The following CDH12 variants were observed in gnomAD, a reference collection of about 807,000 sequenced individuals.
CDH12 encodes cadherin-12.
Under a neutral mutation model 74.1 loss-of-function variants are expected in CDH12, and 41 were observed. That is an observed-to-expected ratio of 0.55 (90% confidence interval 0.43 to 0.72). The LOEUF is 0.72. Among genes scored for constraint, CDH12 ranks in the 30% least tolerant of loss-of-function variants. The pLI is 0.00. For missense variants in CDH12, 945 were observed against 977.2 expected (o/e 0.97, Z 0.44); for synonymous variants, 399 against 355.0 (o/e 1.12, Z -1.39).
At chr5:22,669,529 A>G (rs1255272429) in intron 1 of CDH12, among the ~76,000 whole-genome samples, 1 of 152,194 alleles carries the variant, frequency 6.6e-6, no homozygotes, top group African/African-American at 2.4e-5. Flanking sequence ...TCTTGCAACT[A>G]AAGGTGGCCA....
intron 6 of CDH12, among the ~76,000 whole-genome samples, chr5:21,957,689 AC>A (rs1192902181): frequency 1.1e-4 from 16 of 152,004 alleles, no homozygotes; most frequent in African/African-American, 3.4e-4. Context: ...GTTTTTTTTC[AC>A]ATGCTTGTTG....
intron 2 of CDH12, among the ~76,000 whole-genome samples, chr5:22,451,156 C>A (rs1227167358): frequency 6.6e-6 from 1 of 151,820 alleles, no homozygotes; most frequent in Non-Finnish European, 1.5e-5. Context: ...AGAACAGGGA[C>A]ATGATCATGT....
intron 1 of CDH12, among the ~76,000 whole-genome samples, chr5:22,581,764 GTTTTCCTTTATATGTTACCTGATGC>G (rs1740114005): frequency 6.6e-6 from 1 of 152,064 alleles, no homozygotes; most frequent in South Asian, 2.1e-4. Context: ...AATCTGATAG[GTTTTCCTTTATATGTTACCTGATGC>G]TTTTGCCTCA....
At chr5:21,925,998 A>T (rs533797834) in intron 6 of CDH12, among the ~76,000 whole-genome samples, 1 of 152,260 alleles carries the variant, frequency 6.6e-6, no homozygotes, top group East Asian at 1.9e-4. Flanking sequence ...AGAAGTTTTA[A>T]ATTATATTTT....
chr5:21,784,914 T>A (rs1267506456), intron 10 of CDH12, among the ~76,000 whole-genome samples: 19 of 152,186 alleles, frequency 1.2e-4, no homozygotes, highest in Admixed American at 6.5e-5. Context: ...GTATACCTTA[T>A]TTCATGGCTC....
At chr5:22,021,904 C>T (rs1213371824) in intron 5 of CDH12, among the ~76,000 whole-genome samples, 1 of 152,198 alleles carries the variant, frequency 6.6e-6, no homozygotes, top group Non-Finnish European at 1.5e-5. Context: ...GTGGCACAAT[C>T]ATAGCTCACT....
chr5:22,143,363 T>C (rs1158155484), intron 4 of CDH12: 2 of 145,806 alleles, frequency 1.4e-5, no homozygotes, highest in African/African-American at 5.2e-5. Context: ...AAATGTATAA[T>C]ATTCCTTTTT....
chr5:22,382,803 C>G (rs1357499812), intron 3 of CDH12, among the ~76,000 whole-genome samples: 2 of 148,284 alleles, frequency 1.3e-5, no homozygotes, highest in South Asian at 4.3e-4. Flanking sequence ...CGACCTTGGA[C>G]TAAATTTCAT....
intron 2 of CDH12, among the ~76,000 whole-genome samples, chr5:22,425,262 T>C (rs920796839): frequency 6.7e-6 from 1 of 150,348 alleles, no homozygotes; most frequent in South Asian, 2.1e-4. Flanking sequence ...TAACAATAGC[T>C]AGGCTATTTC....
chr5:22,649,305 T>A (rs1007131141), intron 1 of CDH12, among the ~76,000 whole-genome samples: 4 of 152,014 alleles, frequency 2.6e-5, no homozygotes, highest in Admixed American at 2.6e-4. Flanking sequence ...TTGTGAACTG[T>A]GTGAGCTAAT....
At chr5:22,827,840 A>G (rs1172131049) in intron 1 of CDH12, among the ~76,000 whole-genome samples, 2 of 152,206 alleles carry the variant, frequency 1.3e-5, no homozygotes, top group Admixed American at 6.5e-5. Flanking sequence ...GGAAACTGCA[A>G]TGAGTGCTCA....
At chr5:21,977,517 TGTG>T (rs1757121558) in intron 5 of CDH12, among the ~76,000 whole-genome samples, 1 of 152,160 alleles carries the variant, frequency 6.6e-6, no homozygotes, top group Non-Finnish European at 1.5e-5. Context: ...ATGGTAATAT[TGTG>T]GGAACTGAGT....
intron 2 of CDH12, among the ~76,000 whole-genome samples, chr5:22,419,671 T>C (rs1410430777): frequency 1.3e-5 from 2 of 152,188 alleles, no homozygotes; most frequent in African/African-American, 4.8e-5. Context: ...TAGCCAGTGA[T>C]GGGATTGCTG....
intron 2 of CDH12, among the ~76,000 whole-genome samples, chr5:22,441,711 T>C (rs923079990): frequency 1.1e-4 from 16 of 152,294 alleles, no homozygotes; most frequent in African/African-American, 3.8e-4. Flanking sequence ...TTAATATTAT[T>C]ATTTATTTTT....
At chr5:22,397,216 T>G (rs1265023393) in intron 3 of CDH12, among the ~76,000 whole-genome samples, 1 of 151,974 alleles carries the variant, frequency 6.6e-6, no homozygotes, top group Admixed American at 6.6e-5. Flanking sequence ...CATGGCAAAG[T>G]CTCTTTCTCC....
intron 3 of CDH12, among the ~76,000 whole-genome samples, chr5:22,389,636 T>A (rs1212012401): frequency 6.8e-6 from 1 of 146,066 alleles, no homozygotes; most frequent in Non-Finnish European, 1.5e-5. Flanking sequence ...ATTTTATTTT[T>A]TAATAAAAAG....
intron 7 of CDH12, among the ~76,000 whole-genome samples, chr5:21,848,939 A>G (rs531305604): frequency 1.3e-5 from 2 of 151,960 alleles, no homozygotes; most frequent in South Asian, 4.2e-4. Flanking sequence ...TAGTCTCCCA[A>G]TAGCAAAGGA....
At chr5:22,205,010 C>T (rs1377751670) in intron 4 of CDH12, among the ~76,000 whole-genome samples, 25 of 152,158 alleles carry the variant, frequency 1.6e-4, no homozygotes, top group Admixed American at 1.6e-3. Context: ...CAACATGTAT[C>T]CCTAGCATCT....
At chr5:22,671,192 C>T (rs892315726) in intron 1 of CDH12, among the ~76,000 whole-genome samples, 1 of 152,120 alleles carries the variant, frequency 6.6e-6, no homozygotes, top group Non-Finnish European at 1.5e-5. Context: ...CATGACACCA[C>T]CACCATAATC....
Sources: gnomAD v4.1 joint callset for allele counts (sites outside exome capture counted in the v4.1 genomes callset) on GRCh38, gnomAD v4.1.1 for gene constraint, MANE v1.5 for transcripts, NCBI Gene and HGNC (gene_info 2026-07-23, HGNC 2026-07-21) for gene names.